The following CDH8 variants were observed in gnomAD, a reference collection of about 807,000 sequenced individuals.
CDH8 encodes cadherin-8.
A neutral mutation model predicts 68.1 loss-of-function variants in CDH8; 17 were observed. That is an observed-to-expected ratio of 0.25 (90% confidence interval 0.17 to 0.37). The LOEUF (loss-of-function observed/expected upper bound fraction) is 0.37, where lower values mean the gene tolerates loss of function less well. Ranked by LOEUF, CDH8 falls within the 10% of genes least tolerant of loss-of-function variation. The probability of loss-of-function intolerance (pLI) is 1.00; values close to 1 mark genes in which losing one functional copy is unlikely to be tolerated. For missense variants in CDH8, 763 were observed against 999.3 expected, an observed-to-expected ratio of 0.76 and a Z score of 3.19; for synonymous variants, 372 against 365.1, an observed-to-expected ratio of 1.02 and a Z score of -0.21.
chr16:61,886,076 G>A (rs1441887000), intron 3 of CDH8, among the ~76,000 whole-genome samples: 1 of 152,086 alleles, frequency 6.6e-6, no homozygotes, highest in Admixed American at 6.6e-5. Context: ...CTCTACCCTG[G>A]TTCTAACTTT....
At chr16:61,911,348 T>C (rs1022495358) in intron 2 of CDH8, among the ~76,000 whole-genome samples, 1 of 152,114 alleles carries the variant, frequency 6.6e-6, no homozygotes, top group Non-Finnish European at 1.5e-5. Context: ...CCATTTATGT[T>C]TCAATGCACA....
At chr16:61,665,852 C>G (rs1963665608) in intron 10 of CDH8, among the ~76,000 whole-genome samples, 1 of 140,286 alleles carries the variant, frequency 7.1e-6, no homozygotes, top group African/African-American at 2.6e-5. Flanking sequence ...CTCCCTCCTT[C>G]CTTCCTTCCT....
rs1848817 is a variant in CDH8, at chr16:61,880,070, C to T, written c.547+21109G>A. ...CCTCCTGAGTAGCTGGGACTACAGG[C>T]GCCCACCACCACGCCCTGCTAATTT... is the stretch of plus-strand genomic sequence containing the variant. On this transcript the variant is annotated intron_variant, in intron 3 of 11. Coordinates refer to ENST00000577390, the MANE Select transcript of CDH8 (RefSeq NM_001796.5). 7.0e-3 allele frequency among the ~76,000 whole-genome samples: 1,058 copies of T among 152,064 alleles called. 16 individuals carry two copies. Among genetic ancestry groups the T allele is most frequent in the African/African-American group, 0.024 (995 of 41,490 alleles).
intron 8 of CDH8, among the ~76,000 whole-genome samples, chr16:61,768,398 T>TTCTCTCTC (rs530131371): frequency 0.01 from 352 of 35,180 alleles, 3 homozygotes; most frequent in Middle Eastern, 0.017. Context: ...CTCTCTCCCT[T>TTCTCTCTC]TCTCTCTCTC....
At position 62,021,218 on chromosome 16, in the gene CDH8, G is replaced by C. The variant is rs1367255970; in HGVS notation, c.186C>G (p.Gly62=). Residue 62 remains glycine, a synonymous_variant, in exon 2 of 12, where the codon GGC becomes GGG. Transcript: ENST00000577390. The part of the protein sequence containing the change: ...EQRILNRSKR[G]WVWNQMFVLE... ...GGACAAACATTTGATTCCAAACCCA[G>C]CCTCTTTTGGAGCGGTTCAAAATTC... is the stretch of plus-strand genomic sequence containing the variant. 1 of 1,613,900 alleles carries C rather than the reference G, an allele frequency of 6.2e-7. No individual in the cohort carries two copies. The highest frequency in any genetic ancestry group is 1.1e-5 in the South Asian group (1 of 91,080).
intron 8 of CDH8, among the ~76,000 whole-genome samples, chr16:61,777,991 C>A (rs1461368963): frequency 6.6e-6 from 1 of 152,092 alleles, no homozygotes; most frequent in Non-Finnish European, 1.5e-5. Flanking sequence ...AACCTGCATG[C>A]CTATCTAAAG....
At chr16:61,866,645 C>T (rs1002517285) in intron 3 of CDH8, among the ~76,000 whole-genome samples, 1 of 151,912 alleles carries the variant, frequency 6.6e-6, no homozygotes, top group African/African-American at 2.4e-5. Context: ...TTTGATTATA[C>T]TGAGATCATA....
At chr16:61,779,046 C>T (rs1051312461) in intron 8 of CDH8, among the ~76,000 whole-genome samples, 3 of 152,174 alleles carry the variant, frequency 2.0e-5, no homozygotes, top group Non-Finnish European at 4.4e-5. Context: ...TTATCACTAA[C>T]TCAGAGAGAT....
intron 2 of CDH8, among the ~76,000 whole-genome samples, chr16:61,994,091 G>A (rs1313450525): frequency 1.3e-5 from 2 of 152,112 alleles, no homozygotes; most frequent in Non-Finnish European, 2.9e-5. Flanking sequence ...TAGCGATTAA[G>A]CTGTGGGGCT....
chr16:61,884,328 T>G (rs1963631763), intron 3 of CDH8, among the ~76,000 whole-genome samples: 1 of 151,948 alleles, frequency 6.6e-6, no homozygotes, highest in Non-Finnish European at 1.5e-5. Context: ...TTTATAATGG[T>G]CAACTTCCAC....
chr16:61,972,972 C>T (rs1838210681), intron 2 of CDH8, among the ~76,000 whole-genome samples: 1 of 152,150 alleles, frequency 6.6e-6, no homozygotes, highest in South Asian at 2.1e-4. Flanking sequence ...CTACTTTCTC[C>T]AAGTAACAGA....
At chr16:61,715,575 G>C (rs1415341005) in intron 9 of CDH8, among the ~76,000 whole-genome samples, 1 of 151,308 alleles carries the variant, frequency 6.6e-6, no homozygotes, top group African/African-American at 2.4e-5. Flanking sequence ...ATATTTATTA[G>C]GGCCATTGCT....
chr16:61,852,191 G>GA (rs1962951222), intron 4 of CDH8, among the ~76,000 whole-genome samples: 1 of 152,004 alleles, frequency 6.6e-6, no homozygotes, highest in Admixed American at 6.6e-5. Flanking sequence ...TTTGACAGAG[G>GA]AATTTATCTA....
Position 62,021,214 on chromosome 16 carries a change from C to T in CDH8, c.190G>A (p.Val64Ile), listed in dbSNP as rs776300648. ...TCCAGGACAAACATTTGATTCCAAA[C>T]CCAGCCTCTTTTGGAGCGGTTCAAA... The part of the protein sequence containing the change: ...RILNRSKRGW[V>I]WNQMFVLEEF... Residue 64 changes from valine to isoleucine, a missense_variant, in exon 2 of 12, where the codon GTT becomes ATT. Val to Ile is a conservative substitution (Grantham distance 29). Coordinates refer to ENST00000577390, the MANE Select transcript of CDH8 (RefSeq NM_001796.5). 2.5e-6 allele frequency: 4 copies of T among 1,614,064 alleles called. No homozygotes were observed. The South Asian group carries it at 3.3e-5, about 13-fold the overall frequency.
rs1203782839 is a variant in CDH8 at position 61,653,080 on chromosome 16, A to AT, written c.*527dup. On this transcript the variant is annotated 3_prime_UTR_variant, in exon 12 of 12. Coordinates refer to ENST00000577390, the MANE Select transcript of CDH8 (RefSeq NM_001796.5). ...GTACAATGTGTGGTCACCGTACTGT[A>AT]TAATCTAGGAGGCCTCTCAAAACTC... 7.7e-7 allele frequency: 1 copy of AT among 1,295,808 alleles called. No individual in the cohort carries two copies. Among genetic ancestry groups the AT allele is most frequent in the African/African-American group, 1.5e-5 (1 of 65,640 alleles). The allele number at this position is 1,295,808 out of a possible 1,614,324, so 80.3% of individuals were successfully genotyped here. A position where few individuals can be genotyped will look rare whatever the true frequency, so the allele number is the denominator to read the frequency against.
At chr16:61,897,090 T>C (rs1469393848) in intron 3 of CDH8, among the ~76,000 whole-genome samples, 1 of 148,382 alleles carries the variant, frequency 6.7e-6, no homozygotes, top group Non-Finnish European at 1.5e-5. Flanking sequence ...ATATAATATA[T>C]AAATATATAT....
intron 10 of CDH8, among the ~76,000 whole-genome samples, chr16:61,704,284 G>A (rs1964490600): frequency 6.6e-6 from 1 of 152,026 alleles, no homozygotes; most frequent in South Asian, 2.1e-4. Context: ...CTATTTCCTT[G>A]TCTCCAGACT....
At chr16:61,739,878 A>G (rs1959811462) in intron 8 of CDH8, among the ~76,000 whole-genome samples, 1 of 110,738 alleles carries the variant, frequency 9.0e-6, no homozygotes, top group East Asian at 3.6e-4. Flanking sequence ...TTTGTACAAC[A>G]TATTCCATAT....
At chr16:61,826,113 A>C (rs1962327824) in intron 4 of CDH8, among the ~76,000 whole-genome samples, 1 of 150,136 alleles carries the variant, frequency 6.7e-6, no homozygotes, top group South Asian at 2.1e-4. Flanking sequence ...CATACCCAGA[A>C]ATGTGAGTAT....
Sources: allele counts gnomAD v4.1 joint callset (sites outside exome capture counted in the v4.1 genomes callset), GRCh38; gene constraint gnomAD v4.1.1; transcripts MANE v1.5; gene names NCBI Gene and HGNC (gene_info 2026-07-23, HGNC 2026-07-21).